ADAMTS17: variants seen among roughly 807,000 people sequenced by gnomAD.
ADAMTS17 encodes the protein A disintegrin and metalloproteinase with thrombospondin motifs 17.
In ADAMTS17, 113 loss-of-function variants were observed where a neutral mutation model predicts 141.5. The ratio of observed to expected loss-of-function variants is 0.80; its 90% CI spans 0.69 to 0.93. The LOEUF is 0.93. Ranked by LOEUF, ADAMTS17 falls within the 40% of genes least tolerant of loss-of-function variation. The pLI, the probability that ADAMTS17 is intolerant of heterozygous loss-of-function variation, is 0.00. For missense variants in ADAMTS17, 1,659 were observed against 1,517.9 expected (o/e 1.09, Z -1.54); for synonymous variants, 768 against 630.6 (o/e 1.22, Z -3.27).
intron 15 of ADAMTS17, among the ~76,000 whole-genome samples, chr15:100,075,349 T>A (rs554806891): frequency 6.6e-6 from 1 of 152,332 alleles, no homozygotes; most frequent in East Asian, 1.9e-4. Context: ...TCAAATGTGT[T>A]CCCTTTGAGA....
At chr15:100,304,223 A>T (rs2045142798) in intron 3 of ADAMTS17, among the ~76,000 whole-genome samples, 1 of 152,098 alleles carries the variant, frequency 6.6e-6, no homozygotes, top group South Asian at 2.1e-4. Flanking sequence ...TGAGTGTCAC[A>T]TCCTTAGGGC....
intron 3 of ADAMTS17, among the ~76,000 whole-genome samples, chr15:100,303,737 GAGA>G (rs1051341961): frequency 7.9e-5 from 12 of 151,814 alleles, no homozygotes; most frequent in Non-Finnish European, 1.5e-5. Context: ...TTTATTTTTT[GAGA>G]AGGAGTTTCT....
At chr15:100,077,065 G>C (rs994476899) in intron 15 of ADAMTS17, among the ~76,000 whole-genome samples, 2 of 151,890 alleles carry the variant, frequency 1.3e-5, no homozygotes, top group African/African-American at 2.4e-5. Flanking sequence ...CAAAATACTA[G>C]CAAGCCCAAT....
intron 13 of ADAMTS17, 80 bp from the exon 14 acceptor site, chr15:100,109,196 G>A (rs573031623): frequency 6.5e-5 from 101 of 1,546,060 alleles, no homozygotes; most frequent in East Asian, 2.7e-4. Flanking sequence ...TGTGGGCAGA[G>A]GGAAACCCTG....
intron 20 of ADAMTS17, among the ~76,000 whole-genome samples, chr15:99,987,314 A>ATGCTGC (rs542154978): frequency 2.8e-4 from 42 of 151,980 alleles, no homozygotes; most frequent in African/African-American, 2.9e-4. Flanking sequence ...CCTGCTTAGC[A>ATGCTGC]TGCTGCTGCT....
chr15:100,051,239 A>C (rs12443347), intron 17 of ADAMTS17, among the ~76,000 whole-genome samples: 1 of 151,866 alleles, frequency 6.6e-6, no homozygotes, highest in African/African-American at 2.4e-5. Flanking sequence ...TCCAGCAAGC[A>C]GCAGCAGTTG....
chr15:100,305,435 T>G (rs184408184), intron 3 of ADAMTS17, among the ~76,000 whole-genome samples: 1 of 152,352 alleles, frequency 6.6e-6, no homozygotes, highest in Admixed American at 6.5e-5. Context: ...CTGTATTTAC[T>G]CAAATTCCAA....
intron 3 of ADAMTS17, among the ~76,000 whole-genome samples, chr15:100,299,165 T>G (rs2044932350): frequency 6.6e-6 from 1 of 152,162 alleles, no homozygotes; most frequent in Non-Finnish European, 1.5e-5. Context: ...GGTACTGGGC[T>G]AGTTAGTACT....
At chr15:100,144,194 A>C (rs914152728) in intron 10 of ADAMTS17, among the ~76,000 whole-genome samples, 5 of 152,218 alleles carry the variant, frequency 3.3e-5, no homozygotes, top group African/African-American at 1.2e-4. Context: ...CATCATTTTG[A>C]ATTGGTGAAG....
chr15:99,983,127 T>G (rs968461650), intron 20 of ADAMTS17, among the ~76,000 whole-genome samples: 2 of 152,070 alleles, frequency 1.3e-5, no homozygotes, highest in African/African-American at 4.8e-5. Flanking sequence ...TGTGCAAGCG[T>G]TACTAGCTTC....
chr15:100,079,256 A>G (rs1427053273), intron 15 of ADAMTS17, among the ~76,000 whole-genome samples: 4 of 152,274 alleles, frequency 2.6e-5, no homozygotes, highest in South Asian at 2.1e-4. Flanking sequence ...ACAAAAGTTT[A>G]TATCAGCATT....
chr15:100,071,493 A>G (rs1388918068), intron 15 of ADAMTS17, among the ~76,000 whole-genome samples: 1 of 150,398 alleles, frequency 6.6e-6, no homozygotes, highest in African/African-American at 2.5e-5. Context: ...AAAATCCTCA[A>G]TAAAATACTG....
chr15:100,237,284 C>G (rs2042688187), intron 7 of ADAMTS17, among the ~76,000 whole-genome samples: 1 of 152,118 alleles, frequency 6.6e-6, no homozygotes, highest in Non-Finnish European at 1.5e-5. Flanking sequence ...GAGGCTCTCC[C>G]TCAGTAAGCC....
chr15:100,293,949 C>T (rs550952399), intron 3 of ADAMTS17, among the ~76,000 whole-genome samples: 3 of 152,282 alleles, frequency 2.0e-5, no homozygotes, highest in African/African-American at 4.8e-5. Context: ...CAACACTAGT[C>T]GTAAGGTGCC....
At chr15:100,235,019 T>G (rs1208611946) in intron 7 of ADAMTS17, among the ~76,000 whole-genome samples, 1 of 152,168 alleles carries the variant, frequency 6.6e-6, no homozygotes, top group African/African-American at 2.4e-5. Flanking sequence ...GGTAATTATG[T>G]TCACGGAATA....
intron 7 of ADAMTS17, among the ~76,000 whole-genome samples, chr15:100,222,155 C>T (rs532497573): frequency 7.9e-5 from 12 of 152,288 alleles, no homozygotes; most frequent in South Asian, 4.2e-4. Context: ...CTTGTAGCTA[C>T]GGAAGACTCA....
At chr15:100,150,489 C>T (rs1238872813) in intron 10 of ADAMTS17, among the ~76,000 whole-genome samples, 3 of 152,090 alleles carry the variant, frequency 2.0e-5, no homozygotes, top group African/African-American at 7.2e-5. Context: ...AAGCCCTTGC[C>T]TTTGGGGTTG....
intron 12 of ADAMTS17, chr15:100,126,168 A>T (rs2037722583): frequency 6.6e-6 from 1 of 152,242 alleles, no homozygotes; most frequent in African/African-American, 2.4e-5. Flanking sequence ...CCTGGACTTC[A>T]TAAAACACGC....
Position 99,971,874 on chromosome 15 carries a change from A to G in ADAMTS17, c.*2528T>C, listed in dbSNP as rs8037666. On this transcript the variant is annotated 3_prime_UTR_variant, in exon 22 of 22. Transcript: ENST00000268070. ...CAGAAACATCACTGCTGTGATCAGCATCTAGTGGAACAAGAATGTTTATGA... is the reference window on the plus strand; with the variant it reads ...CAGAAACATCACTGCTGTGATCAGCGTCTAGTGGAACAAGAATGTTTATGA... 0.46 allele frequency: 70,040 copies of G among 152,184 alleles called. 16,272 individuals carry two copies. The highest frequency in any genetic ancestry group is 0.48 in the Non-Finnish European group (32,815 of 68,016). The allele number at this position is 152,184 out of a possible 1,614,324, so 9.4% of individuals were successfully genotyped here. A position where few individuals can be genotyped will look rare whatever the true frequency, so the allele number is the denominator to read the frequency against.
Sources: gnomAD v4.1 joint callset for allele counts (sites outside exome capture counted in the v4.1 genomes callset) on GRCh38, gnomAD v4.1.1 for gene constraint, MANE v1.5 for transcripts, NCBI Gene and HGNC (gene_info 2026-07-23, HGNC 2026-07-21) for gene names.